Variants in DMD observed in about 807,000 individuals in gnomAD.
DMD encodes mutant dystrophin.
In DMD, 63 loss-of-function variants were observed where a neutral mutation model predicts 330.1. The ratio of observed to expected loss-of-function variants is 0.19; its 90% CI spans 0.16 to 0.24. The LOEUF (loss-of-function observed/expected upper bound fraction) is 0.24. DMD is among the 10% of genes least tolerant of loss of function. DMD has a pLI of 1.00. For missense variants in DMD, 3,344 were observed against 2,684.1 expected, an observed-to-expected ratio of 1.25 and a Z score of -5.43; for synonymous variants, 1,223 against 959.8, an observed-to-expected ratio of 1.27 and a Z score of -5.07.
At chrX:32,827,056 A>ACCCCCCCCCC (rs1174768674) in intron 4 of DMD, among the ~76,000 whole-genome samples, 1 of 59,901 alleles carries the variant, frequency 1.7e-5, no homozygotes, top group African/African-American at 8.0e-5. Flanking sequence ...CACACATCGC[A>ACCCCCCCCCC]CCCCCCCCCC....
chrX:32,397,564 G>T (rs2147744134), intron 30 of DMD, among the ~76,000 whole-genome samples: 1 of 112,039 alleles, frequency 8.9e-6, no homozygotes, highest in South Asian at 3.7e-4. Flanking sequence ...ATTTGAGCAT[G>T]CAGTAACTAT....
At position 31,303,226 on chromosome X, in the gene DMD, C is replaced by A. The variant is rs73617075; in HGVS notation, c.9224+20372G>T. Among the ~76,000 whole-genome samples the A allele has an allele frequency of 3.6e-3, 400 of 111,500 alleles. 1 individual carries two copies. Among genetic ancestry groups the A allele is most frequent in the African/African-American group, 0.012 (374 of 30,760 alleles). Reference sequence around the variant, plus strand: ...ACCTTCCAGAATTTAGCATCAGAATCTCATTCACACTCATGGTTTCAGTTA... The same window carrying A: ...ACCTTCCAGAATTTAGCATCAGAATATCATTCACACTCATGGTTTCAGTTA... On this transcript the variant is annotated intron_variant, in intron 62 of 78. Transcript: ENST00000357033.
chrX:32,593,964 C>T (rs904408161), intron 13 of DMD, among the ~76,000 whole-genome samples: 2 of 112,122 alleles, frequency 1.8e-5, no homozygotes, highest in Non-Finnish European at 3.8e-5. Flanking sequence ...ATCTAATTAT[C>T]GGAGAGCACA....
At chrX:32,329,041 A>T (rs2148708879) in intron 41 of DMD, among the ~76,000 whole-genome samples, 1 of 111,793 alleles carries the variant, frequency 8.9e-6, no homozygotes, top group East Asian at 2.8e-4. Flanking sequence ...TCATTCAATC[A>T]TTCATTCCAC....
At chrX:31,158,404 T>C (rs1421872173) in intron 74 of DMD, among the ~76,000 whole-genome samples, 3 of 111,840 alleles carry the variant, frequency 2.7e-5, no homozygotes, top group Non-Finnish European at 3.8e-5. Flanking sequence ...AGCAAATCCA[T>C]AGAGACAGAA....
At chrX:32,988,008 C>G (rs1269463764) in intron 2 of DMD, among the ~76,000 whole-genome samples, 1 of 110,042 alleles carries the variant, frequency 9.1e-6, no homozygotes, top group Non-Finnish European at 1.9e-5. Context: ...TAAAATCACA[C>G]ACAGCATGTC....
chrX:31,701,457 T>G (rs2083803960), intron 52 of DMD, among the ~76,000 whole-genome samples: 1 of 111,956 alleles, frequency 8.9e-6, no homozygotes, highest in Non-Finnish European at 1.9e-5. Flanking sequence ...CTTCCTTACC[T>G]CCTTCTCTTC....
rs188328845 is a variant in DMD at position 31,784,164 on chromosome X, T to G, written c.7310-9972A>C. On this transcript the variant is annotated intron_variant, in intron 50 of 78. Transcript: ENST00000357033. ...AATTCACCAAAAACAATTAACCTGATTTTAAAATGGGCAAGGATTTAAATA... is the reference window on the plus strand; with the variant it reads ...AATTCACCAAAAACAATTAACCTGAGTTTAAAATGGGCAAGGATTTAAATA... Among the ~76,000 whole-genome samples, 38 of 112,390 alleles carry G rather than the reference T, an allele frequency of 3.4e-4. No individual in the cohort carries two copies. In the East Asian group the frequency reaches 7.0e-3, roughly 21 times the overall value.
rs932823175 is a variant in DMD, at chrX:33,041,410, G to T, written c.32-21210C>A. On this transcript the variant is annotated intron_variant, in intron 1 of 78. Transcript: ENST00000357033. The stretch of plus-strand genomic sequence containing the variant: ...TCGAGGGACCATGGCCGATCCTCGC[G>T]TGAGACAGATCAAGATCAAGACCGG... 3 of 1,196,427 alleles carry T rather than the reference G, an allele frequency of 2.5e-6. No homozygotes were observed. The African/African-American group carries it at 5.2e-5, about 21-fold the overall frequency.
intron 11 of DMD, among the ~76,000 whole-genome samples, chrX:32,632,954 G>A (rs1488930530): frequency 2.7e-5 from 3 of 112,122 alleles, no homozygotes; most frequent in Non-Finnish European, 5.6e-5. Flanking sequence ...TCTAGCAAGT[G>A]GTTGCTCAGA....
At chrX:32,842,553 T>C (rs1205444807) in intron 4 of DMD, among the ~76,000 whole-genome samples, 1 of 111,304 alleles carries the variant, frequency 9.0e-6, no homozygotes, top group Non-Finnish European at 1.9e-5. Flanking sequence ...CCATACACCC[T>C]TTCATGATTT....
chrX:32,827,064 C>CCCCT lies in DMD; in HGVS notation c.265-3678_265-3677insAGGG, dbSNP rs1263136643. 2.4e-4 allele frequency among the ~76,000 whole-genome samples: 16 copies of CCCCT among 66,158 alleles called. 1 individual carries two copies. Among genetic ancestry groups the CCCCT allele is most frequent in the African/African-American group, 9.5e-4 (15 of 15,798 alleles). 57.5% of individuals were successfully genotyped at this position (66,158 alleles called of 115,157 possible). A position where few individuals can be genotyped will look rare whatever the true frequency, so the allele number is the denominator to read the frequency against. On this transcript the variant is annotated intron_variant, in intron 4 of 78. Transcript: ENST00000357033. ...ATTGGAACACACATCGCACCCCCCC[C>CCCCT]CCACACACACACACACACAGCAGCA...
intron 62 of DMD, among the ~76,000 whole-genome samples, chrX:31,263,996 C>T (rs1475482245): frequency 8.9e-6 from 1 of 112,263 alleles, no homozygotes; most frequent in Non-Finnish European, 1.9e-5. Context: ...TCCAGAGCCC[C>T]ACTGGGACAC....
chrX:33,170,826 C>T (rs2049304090), intron 1 of DMD, among the ~76,000 whole-genome samples: 1 of 111,571 alleles, frequency 9.0e-6, no homozygotes, highest in African/African-American at 3.2e-5. Context: ...AATAATCTCA[C>T]TCTAATCTGT....
chrX:31,222,374 C>G (rs1258970590), intron 64 of DMD, among the ~76,000 whole-genome samples: 1 of 63,055 alleles, frequency 1.6e-5, no homozygotes, highest in East Asian at 5.5e-4. Context: ...GCCTGGGCAA[C>G]AGAGCAAGAC....
intron 37 of DMD, among the ~76,000 whole-genome samples, chrX:32,352,366 C>T (rs1260069474): frequency 9.1e-6 from 1 of 110,215 alleles, no homozygotes; most frequent in Non-Finnish European, 1.9e-5. Context: ...ATTCTAGTTG[C>T]CATAGTAAAA....
At chrX:31,616,010 A>G (rs1289081115) in intron 55 of DMD, among the ~76,000 whole-genome samples, 2 of 111,869 alleles carry the variant, frequency 1.8e-5, no homozygotes, top group African/African-American at 6.5e-5. Flanking sequence ...AACAACCTGA[A>G]GAGGTAGCTG....
chrX:32,734,407 C>A lies in DMD; in HGVS notation c.650-35114G>T, dbSNP rs1450335048. ...GAAAAAGAGGGAATCCTCCCTAACT[C>A]ATTTTATGAGGCCAGCATCATCCTG... On this transcript the variant is annotated intron_variant, in intron 7 of 78. Coordinates refer to ENST00000357033, the MANE Select transcript of DMD (RefSeq NM_004006.3). Among the ~76,000 whole-genome samples the A allele has an allele frequency of 1.8e-3, 185 of 104,103 alleles. 2 individuals are homozygous for A. Among genetic ancestry groups the A allele is most frequent in the African/African-American group, 7.0e-3 (176 of 25,038 alleles). 90.4% of individuals were successfully genotyped at this position (104,103 alleles called of 115,157 possible). A position where few individuals can be genotyped will look rare whatever the true frequency, so the allele number is the denominator to read the frequency against.
chrX:31,808,294 A>T lies in DMD; in HGVS notation c.7309+11681T>A, dbSNP rs139655221. ...GTTTTGCCTGATTTACATCAGACTT[A>T]TGTTGTTAAAGCACCCCTTTTTTCA... On this transcript the variant is annotated intron_variant, in intron 50 of 78. Transcript: ENST00000357033. 4.7e-3 allele frequency among the ~76,000 whole-genome samples: 531 copies of T among 111,900 alleles called. 4 individuals carry two copies. The highest frequency in any genetic ancestry group is 0.016 in the African/African-American group (483 of 30,852).
Sources: allele counts gnomAD v4.1 joint callset (sites outside exome capture counted in the v4.1 genomes callset), GRCh38; gene constraint gnomAD v4.1.1; transcripts MANE v1.5; gene names NCBI Gene and HGNC (gene_info 2026-07-23, HGNC 2026-07-21).